The following MAPK10 variants were observed in gnomAD, a reference collection of about 807,000 sequenced individuals.
MAPK10 encodes mitogen-activated protein kinase 10, also known as JNK3 alpha protein kinase.
MAPK10 carries 25 observed loss-of-function variants against 59.3 expected under a neutral mutation model. The observed-to-expected ratio is 0.42, with a 90% CI of 0.31 to 0.59. The LOEUF (loss-of-function observed/expected upper bound fraction) is 0.59. Ranked by LOEUF, MAPK10 falls within the 20% of genes least tolerant of loss-of-function variation. The pLI is 0.15. For synonymous variants in MAPK10, 190 were observed against 200.5 expected, an observed-to-expected ratio of 0.95 and a Z score of 0.44; for missense variants, 351 against 568.9, an observed-to-expected ratio of 0.62 and a Z score of 3.90.
At chr4:86,506,735 G>A (rs907003910) in intron 1 of MAPK10, among the ~76,000 whole-genome samples, 1 of 152,046 alleles carries the variant, frequency 6.6e-6, no homozygotes, top group East Asian at 1.9e-4. Context: ...AGCCAGTGTC[G>A]ACTCAAAGGT....
At chr4:86,088,890 T>C (rs957584423) in intron 9 of MAPK10, among the ~76,000 whole-genome samples, 25 of 152,170 alleles carry the variant, frequency 1.6e-4, no homozygotes, top group African/African-American at 5.5e-4. Flanking sequence ...TATGAATATA[T>C]CTTCATTTTG....
At chr4:86,145,215 A>ATTT (rs1581231448) in intron 4 of MAPK10, among the ~76,000 whole-genome samples, 26 of 141,106 alleles carry the variant, frequency 1.8e-4, no homozygotes, top group African/African-American at 2.6e-4. Context: ...TTCTATCTCT[A>ATTT]GCCGGGCGTG....
chr4:86,059,359 G>A (rs914194827), intron 11 of MAPK10, among the ~76,000 whole-genome samples: 1 of 152,148 alleles, frequency 6.6e-6, no homozygotes, highest in Non-Finnish European at 1.5e-5. Context: ...CCCTAAAGTA[G>A]TGAACTAGTA....
At chr4:86,358,923 T>A (rs895322054) in intron 1 of MAPK10, 5 of 152,054 alleles carry the variant, frequency 3.3e-5, no homozygotes, top group African/African-American at 1.2e-4. Flanking sequence ...GACTAGGAGA[T>A]CACTTTCTTA....
chr4:86,036,595 T>C (rs545526593), intron 11 of MAPK10, among the ~76,000 whole-genome samples: 5 of 152,310 alleles, frequency 3.3e-5, no homozygotes, highest in Admixed American at 2.6e-4. Context: ...TATAGCTAAT[T>C]AATGATGAAA....
At chr4:86,515,995 T>C (rs1220650136) in intron 1 of MAPK10, among the ~76,000 whole-genome samples, 4 of 152,174 alleles carry the variant, frequency 2.6e-5, no homozygotes, top group Admixed American at 6.5e-5. Flanking sequence ...TGTTGTCTTC[T>C]AGAATTTTTA....
rs549295052 is a variant in MAPK10, at chr4:86,291,351, C to T, written c.-7+63179G>A. Among the ~76,000 whole-genome samples the T allele has an allele frequency of 5.3e-5, 8 of 152,306 alleles. No homozygotes were observed. The South Asian group carries it at 1.7e-3, about 32-fold the overall frequency. ...GAAGAGCAGCTGTTGAAATCTTTTA[C>T]AGGTCCCGAGTCGGCCAATGCCAGA... is the stretch of plus-strand genomic sequence containing the variant. On this transcript the variant is annotated intron_variant, in intron 2 of 13. Transcript: ENST00000641462.
intron 1 of MAPK10, among the ~76,000 whole-genome samples, chr4:86,567,937 T>C (rs1578138331): frequency 6.6e-6 from 1 of 152,216 alleles, no homozygotes; most frequent in South Asian, 2.1e-4. Context: ...AGACAGGAAG[T>C]TCTAGCTAGA....
chr4:86,375,869 CTGTGAACTCAT>C (rs1739728443), intron 1 of MAPK10, among the ~76,000 whole-genome samples: 2 of 152,156 alleles, frequency 1.3e-5, no homozygotes, highest in South Asian at 4.2e-4. Flanking sequence ...GTAATGAACT[CTGTGAACTCAT>C]TGTTATTCTA....
At chr4:86,111,723 CA>C (rs1446463182) in intron 4 of MAPK10, among the ~76,000 whole-genome samples, 1 of 152,106 alleles carries the variant, frequency 6.6e-6, no homozygotes, top group Non-Finnish European at 1.5e-5. Context: ...GTTTTGGTAT[CA>C]GGATAATGCT....
chr4:86,378,135 T>C (rs1740102909), intron 1 of MAPK10, among the ~76,000 whole-genome samples: 1 of 152,170 alleles, frequency 6.6e-6, no homozygotes, highest in Non-Finnish European at 1.5e-5. Flanking sequence ...TATTACACCA[T>C]GTCTCTTCCC....
intron 1 of MAPK10, among the ~76,000 whole-genome samples, chr4:86,387,693 G>A (rs151120791): frequency 1.4e-4 from 22 of 152,174 alleles, no homozygotes; most frequent in African/African-American, 3.6e-4. Flanking sequence ...TTCTCCTTGT[G>A]TGGCAGAAGA....
intron 1 of MAPK10, among the ~76,000 whole-genome samples, chr4:86,496,214 G>C (rs1054047689): frequency 2.6e-5 from 4 of 152,168 alleles, no homozygotes; most frequent in Admixed American, 6.5e-5. Flanking sequence ...TAGAGACTTA[G>C]ATGTTGAAAA....
intron 2 of MAPK10, among the ~76,000 whole-genome samples, chr4:86,293,880 C>T (rs2095291771): frequency 6.6e-6 from 1 of 152,160 alleles, no homozygotes; most frequent in South Asian, 2.1e-4. Context: ...CTAAACACCT[C>T]CCACCAGGCC....
chr4:86,223,919 T>C (rs2148648675), intron 2 of MAPK10, among the ~76,000 whole-genome samples: 1 of 152,338 alleles, frequency 6.6e-6, no homozygotes, highest in East Asian at 1.9e-4. Context: ...ATAATGTGCC[T>C]TTCATACCCT....
chr4:86,579,840 G>A (rs1472138591), intron 1 of MAPK10, among the ~76,000 whole-genome samples: 9 of 152,044 alleles, frequency 5.9e-5, no homozygotes, highest in Non-Finnish European at 5.9e-5. Context: ...AAGAGACAGG[G>A]TCTTGCTCTG....
upstream of MAPK10, among the ~76,000 whole-genome samples, chr4:86,363,488 C>A (rs1321346114): frequency 6.6e-6 from 1 of 151,976 alleles, no homozygotes; most frequent in Non-Finnish European, 1.5e-5. Context: ...CCTTTTTAAG[C>A]TTTTTGAAAA....
intron 1 of MAPK10, among the ~76,000 whole-genome samples, chr4:86,517,324 G>T (rs1185528894): frequency 7.6e-6 from 1 of 131,382 alleles, no homozygotes; most frequent in Non-Finnish European, 1.5e-5. Flanking sequence ...CGCCCAGGCT[G>T]GAGTGCAGTG....
Position 86,309,438 on chromosome 4 carries a change from C to T in MAPK10, c.-7+45092G>A, listed in dbSNP as rs112787252. On this transcript the variant is annotated intron_variant, in intron 2 of 13. Transcript: ENST00000641462. ...AGGCATATGCTCAGGAACTAAAGAC[C>T]AAGGGCTACATTGCCTTCAGCCACC... Among the ~76,000 whole-genome samples the T allele has an allele frequency of 4.8e-4, 73 of 152,262 alleles. 1 individual carries two copies. Among genetic ancestry groups the T allele is most frequent in the African/African-American group, 1.7e-3 (71 of 41,548 alleles).
Sources: allele counts gnomAD v4.1 joint callset (sites outside exome capture counted in the v4.1 genomes callset), GRCh38; gene constraint gnomAD v4.1.1; transcripts MANE v1.5; gene names NCBI Gene and HGNC (gene_info 2026-07-23, HGNC 2026-07-21).